Variants in CIROZ observed in about 807,000 individuals in gnomAD.
The protein encoded by CIROZ is ciliated left-right organizer ZP-N domains-containing protein.
the CIROZ span, among the ~76,000 whole-genome samples, chr1:10,966,038 C>T: frequency 6.6e-6 from 1 of 152,034 alleles, no homozygotes; most frequent in Non-Finnish European, 1.5e-5. Flanking sequence ...ACTGCCTCAC[C>T]CCAGAGACTC....
the CIROZ span, among the ~76,000 whole-genome samples, chr1:10,980,231 G>A: frequency 6.6e-6 from 1 of 152,236 alleles, no homozygotes; most frequent in Non-Finnish European, 1.5e-5. Flanking sequence ...CCCAGAGTGG[G>A]TTGGCAAAGA....
the CIROZ span, among the ~76,000 whole-genome samples, chr1:10,953,198 ACAT>A: frequency 2.0e-5 from 3 of 152,176 alleles, no homozygotes; most frequent in Non-Finnish European, 4.4e-5. Flanking sequence ...CAACACCGAA[ACAT>A]CATATCCTCG....
At chr1:10,956,678 C>T in the CIROZ span, among the ~76,000 whole-genome samples, 1 of 151,840 alleles carries the variant, frequency 6.6e-6, no homozygotes, top group Non-Finnish European at 1.5e-5. Flanking sequence ...AGGGTTTCAC[C>T]GTGTTAGCCA....
chr1:10,954,453 CAAAA>C, the CIROZ span, among the ~76,000 whole-genome samples: 23,075 of 117,264 alleles, frequency 0.2, 2,408 homozygotes, highest in South Asian at 0.44. Flanking sequence ...GACTCTGTCT[CAAAA>C]AAAAAAAAAA....
At chr1:10,964,248 G>T in the CIROZ span, 1 of 1,613,524 alleles carries the variant, frequency 6.2e-7, no homozygotes, top group Non-Finnish European at 8.5e-7. Flanking sequence ...GAAATATTCT[G>T]ATTTCCAGCC....
the CIROZ span, among the ~76,000 whole-genome samples, chr1:10,963,897 CCCCCT>C: frequency 3.3e-5 from 5 of 152,054 alleles, no homozygotes; most frequent in Admixed American, 2.6e-4. Context: ...AGCTTTAATC[CCCCCT>C]CCCCTCCCAT....
At chr1:10,978,107 C>G in the CIROZ span, among the ~76,000 whole-genome samples, 1 of 150,306 alleles carries the variant, frequency 6.7e-6, no homozygotes, top group African/African-American at 2.5e-5. Flanking sequence ...AGGCGGAAGT[C>G]GCAGTGAGCT....
the CIROZ span, among the ~76,000 whole-genome samples, chr1:10,957,306 C>A: frequency 6.6e-5 from 10 of 152,192 alleles, no homozygotes; most frequent in Admixed American, 1.3e-4. Context: ...TAGCAGGAAG[C>A]GAGCTCAGAG....
At chr1:10,949,765 G>A in the CIROZ span, 1 of 1,582,370 alleles carries the variant, frequency 6.3e-7, no homozygotes. Context: ...ATGGTGGGGA[G>A]GGAGTGGTCC....
chr1:10,952,698 G>T, the CIROZ span, among the ~76,000 whole-genome samples: 1 of 152,296 alleles, frequency 6.6e-6, no homozygotes, highest in East Asian at 1.9e-4. Context: ...TTTTAGGAGA[G>T]ACAGGGTTTC....
At chr1:10,956,916 G>C in the CIROZ span, 4 of 932,802 alleles carry the variant, frequency 4.3e-6, no homozygotes, top group African/African-American at 3.4e-5. Context: ...GAGGAGAGGA[G>C]AGGTGGGATG....
chr1:10,948,809 C>T, the CIROZ span: 45 of 1,511,206 alleles, frequency 3.0e-5, no homozygotes, highest in South Asian at 3.8e-4. Flanking sequence ...CTCTTCTCGC[C>T]GGTTTGGCTG....
the CIROZ span, among the ~76,000 whole-genome samples, chr1:10,973,963 C>G: frequency 2.1e-5 from 2 of 96,608 alleles, no homozygotes; most frequent in South Asian, 3.0e-4. Flanking sequence ...AGGACCCCCC[C>G]CACCAAGTCT....
chr1:10,969,875 AC>A, the CIROZ span: 1 of 1,417,772 alleles, frequency 7.1e-7, no homozygotes, highest in South Asian at 1.5e-5. Context: ...ATGCCCAGGA[AC>A]CTGCAAGAGC....
the CIROZ span, among the ~76,000 whole-genome samples, chr1:10,967,899 A>AG: frequency 2.0e-5 from 3 of 152,164 alleles, no homozygotes; most frequent in Non-Finnish European, 2.9e-5. Flanking sequence ...ACTTGAACCC[A>AG]GGAGGCGGAG....
the CIROZ span, chr1:10,949,479 C>CA: frequency 1.1e-6 from 1 of 943,506 alleles, no homozygotes. Flanking sequence ...GAGGAGGTAA[C>CA]ATGGTTGGGG....
At chr1:10,957,392 G>T in the CIROZ span, among the ~76,000 whole-genome samples, 1 of 152,246 alleles carries the variant, frequency 6.6e-6, no homozygotes, top group African/African-American at 2.4e-5. Flanking sequence ...CGCTCCTGCC[G>T]CCATGATCAG....
At chr1:10,953,285 G>A in the CIROZ span, among the ~76,000 whole-genome samples, 1 of 152,218 alleles carries the variant, frequency 6.6e-6, no homozygotes, top group East Asian at 1.9e-4. Context: ...AGGACAGTTA[G>A]GAAGTATAAG....
chr1:10,965,064 G>A, the CIROZ span, among the ~76,000 whole-genome samples: 7 of 152,220 alleles, frequency 4.6e-5, no homozygotes, highest in East Asian at 1.9e-4. Flanking sequence ...AGCTCATTCC[G>A]GTACAAGGCG....
Sources: allele counts gnomAD v4.1 joint callset (sites outside exome capture counted in the v4.1 genomes callset), GRCh38; gene constraint gnomAD v4.1.1; transcripts MANE v1.5; gene names NCBI Gene and HGNC (gene_info 2026-07-23, HGNC 2026-07-21).